Variants in STK32B observed in about 807,000 individuals in gnomAD.
STK32B encodes the protein serine/threonine kinase 32B.
A neutral mutation model predicts 52.6 loss-of-function variants in STK32B; 43 were observed. That is an observed-to-expected ratio of 0.82 (90% CI 0.64 to 1.05). The LOEUF is 1.05. Among genes scored for constraint, STK32B ranks in the 50% least tolerant of loss-of-function variants. The probability of loss-of-function intolerance (pLI) is 0.00; values close to 1 mark genes in which losing one functional copy is unlikely to be tolerated. For missense variants in STK32B, 621 were observed against 534.6 expected (o/e 1.16, Z -1.59); for synonymous variants, 238 against 204.3 (o/e 1.17, Z -1.41).
At chr4:5,315,771 C>T (rs1025262094) in intron 3 of STK32B, among the ~76,000 whole-genome samples, 34 of 150,088 alleles carry the variant, frequency 2.3e-4, no homozygotes, top group African/African-American at 1.2e-4. Context: ...GTGGTGCAAT[C>T]TCAGCTCACT....
chr4:5,254,845 A>C (rs1175652993), intron 3 of STK32B, among the ~76,000 whole-genome samples: 2 of 152,136 alleles, frequency 1.3e-5, no homozygotes, highest in Non-Finnish European at 2.9e-5. Flanking sequence ...GTAAAAAATA[A>C]AGGATGAGAC....
the STK32B span, among the ~76,000 whole-genome samples, chr4:5,026,343 A>G: frequency 6.6e-6 from 1 of 152,192 alleles, no homozygotes; most frequent in African/African-American, 2.4e-5. Context: ...TCCAATCCCA[A>G]GACTGGGTAA....
chr4:5,365,655 A>G (rs1033525664), intron 4 of STK32B, among the ~76,000 whole-genome samples: 3 of 151,992 alleles, frequency 2.0e-5, no homozygotes, highest in Admixed American at 2.0e-4. Flanking sequence ...GAAAGTACAA[A>G]GAGTTTCTAT....
intron 1 of STK32B, among the ~76,000 whole-genome samples, chr4:5,053,725 G>A (rs1258163278): frequency 6.6e-5 from 10 of 152,152 alleles, no homozygotes. Context: ...GCTCATGCCT[G>A]TAATCCCAGT....
the STK32B span, among the ~76,000 whole-genome samples, chr4:5,045,235 C>T: frequency 1.3e-5 from 2 of 152,250 alleles, no homozygotes; most frequent in Admixed American, 6.5e-5. Context: ...TCTCTTTCAT[C>T]TGCTCCATCT....
intron 3 of STK32B, among the ~76,000 whole-genome samples, chr4:5,231,936 T>G (rs985131047): frequency 6.6e-6 from 1 of 152,138 alleles, no homozygotes; most frequent in Non-Finnish European, 1.5e-5. Flanking sequence ...AGGACAAAGA[T>G]ACACAGAAGA....
intron 6 of STK32B, 64 bp from the exon 7 acceptor site, chr4:5,446,609 T>C (rs1715454862): frequency 5.2e-6 from 7 of 1,350,740 alleles, no homozygotes; most frequent in Non-Finnish European, 7.4e-6. Context: ...TTGTCCCCTC[T>C]CTAAGGGGTG....
chr4:5,400,930 AG>A lies in STK32B; in HGVS notation c.472+2688del, dbSNP rs1737250369. ...TGTTGGGGAGAGTGTGGGGAAGCTC[AG>A]GAGAGGTCGGGCAGAGGGGAGAGGG... On this transcript the variant is annotated intron_variant, in intron 5 of 11. Transcript: ENST00000282908. The surrounding 1 kb of genome is among the most constrained non-coding windows in gnomAD (Gnocchi z 6.1). Among the ~76,000 whole-genome samples the A allele has an allele frequency of 1.3e-5, 2 of 149,794 alleles. No homozygotes were observed. The highest frequency in any genetic ancestry group is 2.1e-4 in the South Asian group (1 of 4,666).
intron 2 of STK32B, among the ~76,000 whole-genome samples, chr4:5,164,913 T>C (rs1718753425): frequency 6.6e-6 from 1 of 152,220 alleles, no homozygotes; most frequent in African/African-American, 2.4e-5. Context: ...CTCTATCTCC[T>C]GGTCAGGTTA....
chr4:5,198,413 G>A (rs1206305212), intron 3 of STK32B, among the ~76,000 whole-genome samples: 3 of 152,150 alleles, frequency 2.0e-5, no homozygotes, highest in South Asian at 2.1e-4. Context: ...GTTTTAATAC[G>A]TGTGCCTTTG....
intron 3 of STK32B, among the ~76,000 whole-genome samples, chr4:5,250,325 T>C (rs1230689996): frequency 6.7e-6 from 1 of 149,684 alleles, no homozygotes; most frequent in Admixed American, 6.6e-5. Context: ...TTTTTTTTTT[T>C]TTTTTGAGAC....
intron 3 of STK32B, among the ~76,000 whole-genome samples, chr4:5,230,739 C>G (rs1457496261): frequency 6.6e-6 from 1 of 152,184 alleles, no homozygotes; most frequent in Non-Finnish European, 1.5e-5. Flanking sequence ...GTGGAAAACA[C>G]TCAGTGCAGA....
chr4:5,461,565 C>G (rs906413643), intron 9 of STK32B, among the ~76,000 whole-genome samples: 1 of 152,196 alleles, frequency 6.6e-6, no homozygotes, highest in Non-Finnish European at 1.5e-5. Context: ...TGAATCCAAC[C>G]GAAGCCAAGC....
intron 3 of STK32B, among the ~76,000 whole-genome samples, chr4:5,318,155 T>C (rs1444876101): frequency 2.6e-5 from 4 of 151,878 alleles, no homozygotes; most frequent in Admixed American, 2.0e-4. Context: ...GTGTGTGTGA[T>C]TGGGGGAAAG....
At chr4:5,401,914 T>C (rs752009226) in intron 5 of STK32B, among the ~76,000 whole-genome samples, 1 of 152,132 alleles carries the variant, frequency 6.6e-6, no homozygotes, top group Non-Finnish European at 1.5e-5. Context: ...AAGACCAAGG[T>C]TGGGTAGGCA....
At chr4:5,168,809 G>C (rs1719098473) in intron 3 of STK32B, among the ~76,000 whole-genome samples, 1 of 152,222 alleles carries the variant, frequency 6.6e-6, no homozygotes, top group Non-Finnish European at 1.5e-5. Context: ...CTGATGGCAG[G>C]AAGGGCAACT....
intron 4 of STK32B, among the ~76,000 whole-genome samples, chr4:5,344,813 T>A (rs1323581375): frequency 6.6e-6 from 1 of 152,124 alleles, no homozygotes; most frequent in African/African-American, 2.4e-5. Context: ...CACTTCGCAT[T>A]TCTCAAGGCC....
rs150078236 is a variant in STK32B at position 5,470,681 on chromosome 4, T to A, written c.1106+2611T>A. On this transcript the variant is annotated intron_variant, in intron 11 of 11. Transcript: ENST00000282908. This position sits in a 1 kb window ranked among gnomAD's most constrained non-coding sequence, Gnocchi z 4.6. ...TGCTCCATCTACCCACAGTCCTCCC[T>A]TGCTGCAGTTTCTCAGCAGTAAAAA... Among the ~76,000 whole-genome samples the A allele has an allele frequency of 5.1e-3, 771 of 152,286 alleles. 9 individuals are homozygous for A. The highest frequency in any genetic ancestry group is 0.018 in the African/African-American group (737 of 41,570).
intron 4 of STK32B, among the ~76,000 whole-genome samples, chr4:5,335,622 A>T (rs975564884): frequency 2.0e-5 from 3 of 151,936 alleles, no homozygotes; most frequent in African/African-American, 7.3e-5. Context: ...ATTTAGTGCT[A>T]TAAATTTCCC....
Sources: allele counts gnomAD v4.1 joint callset (sites outside exome capture counted in the v4.1 genomes callset), GRCh38; gene constraint gnomAD v4.1.1; non-coding constraint Gnocchi (gnomAD v3.1); transcripts MANE v1.5; gene names NCBI Gene and HGNC (gene_info 2026-07-23, HGNC 2026-07-21).